The following PYHIN1 variants were observed in gnomAD, a reference collection of about 807,000 sequenced individuals.
The protein encoded by PYHIN1 is pyrin and HIN domain-containing protein 1.
A neutral mutation model predicts 43.7 loss-of-function variants in PYHIN1; 32 were observed. The ratio of observed to expected loss-of-function variants is 0.73; its 90% CI spans 0.55 to 0.98. The LOEUF (loss-of-function observed/expected upper bound fraction) is 0.98. PYHIN1 is among the 50% of genes least tolerant of loss of function. The pLI is 0.00. For synonymous variants in PYHIN1, 205 were observed against 203.1 expected, an observed-to-expected ratio of 1.01 and a Z score of -0.08; for missense variants, 588 against 589.5, an observed-to-expected ratio of 1.00 and a Z score of 0.03.
At chr1:158,987,908 C>T in the PYHIN1 span, among the ~76,000 whole-genome samples, 6 of 152,032 alleles carry the variant, frequency 3.9e-5, no homozygotes, top group South Asian at 2.1e-4. Context: ...TATGACTATG[C>T]CTTATAAAAA....
chr1:158,968,258 G>A (rs556131477), intron 7 of PYHIN1, among the ~76,000 whole-genome samples: 3 of 151,484 alleles, frequency 2.0e-5, no homozygotes, highest in Non-Finnish European at 4.4e-5. Flanking sequence ...AGAAAAAAAT[G>A]AGCCACCCCA....
chr1:158,959,511 AC>A, intron 7 of PYHIN1, among the ~76,000 whole-genome samples: 1 of 152,298 alleles, frequency 6.6e-6, no homozygotes, highest in African/African-American at 2.4e-5. Flanking sequence ...TAAGCTATTT[AC>A]TCAAGGTAAG....
chr1:158,937,250 G>C, intron 2 of PYHIN1, 75 bp downstream of exon 2: 2 of 1,447,324 alleles, frequency 1.4e-6, no homozygotes, highest in South Asian at 3.0e-5. Context: ...ACGCCACCTT[G>C]GTCGTAGCTG....
chr1:158,981,771 A>T (rs1053101603), downstream of PYHIN1, among the ~76,000 whole-genome samples: 4 of 152,176 alleles, frequency 2.6e-5, no homozygotes, highest in Non-Finnish European at 5.9e-5. Context: ...TCAATGTATA[A>T]ATGTTCCCTT....
At chr1:158,949,235 G>A (rs1649388785) in intron 7 of PYHIN1, among the ~76,000 whole-genome samples, 1 of 152,136 alleles carries the variant, frequency 6.6e-6, no homozygotes, top group South Asian at 2.1e-4. Context: ...GATGGATGAG[G>A]ACATCAGTAA....
At position 158,973,529 on chromosome 1, in the gene PYHIN1, A is replaced by G. The variant is rs1651060965; in HGVS notation, c.1360-118A>G. On this transcript the variant is annotated intron_variant, in intron 7 of 8. Coordinates refer to ENST00000368140, the MANE Select transcript of PYHIN1 (RefSeq NM_152501.5). ...TTCACACACACACACACACACACAC[A>G]CACACACATATACACACATGTATTA... The G allele has an allele frequency of 1.2e-5, 12 of 978,012 alleles. No individual in the cohort carries two copies. In the South Asian group the frequency reaches 1.8e-4, roughly 15 times the overall value. The allele number at this position is 978,012 out of a possible 1,614,324, so 60.6% of individuals were successfully genotyped here. A position where few individuals can be genotyped will look rare whatever the true frequency, so the allele number is the denominator to read the frequency against.
chr1:158,935,991 T>C (rs1198084657), intron 1 of PYHIN1, among the ~76,000 whole-genome samples: 1 of 152,154 alleles, frequency 6.6e-6, no homozygotes, highest in Non-Finnish European at 1.5e-5. Context: ...CTTCACTCAA[T>C]TTCTACAGTA....
chr1:158,937,180 T>C lies in PYHIN1; in HGVS notation c.265+5T>C, dbSNP rs368173673. The C allele has an allele frequency of 2.2e-5, 34 of 1,568,250 alleles. No individual in the cohort carries two copies. The highest frequency in any genetic ancestry group is 2.8e-5 in the Non-Finnish European group (33 of 1,160,044). ...TTAAAAGAGAAAAGTTAAAAGGTAA[T>C]TGGGAAGAGGGAACACCCACTCCCT... On this transcript the variant is annotated splice_donor_5th_base_variant and intron_variant, in intron 2 of 8. Transcript: ENST00000368140.
At chr1:158,985,703 G>T in the PYHIN1 span, among the ~76,000 whole-genome samples, 3 of 152,088 alleles carry the variant, frequency 2.0e-5, no homozygotes, top group Non-Finnish European at 4.4e-5. Flanking sequence ...AACCTCTCTA[G>T]CAAGGTCAGG....
At chr1:158,975,507 G>C (rs1023626813) in intron 8 of PYHIN1, among the ~76,000 whole-genome samples, 5 of 152,168 alleles carry the variant, frequency 3.3e-5, no homozygotes, top group Middle Eastern at 3.4e-3. Flanking sequence ...GGATCAGGCT[G>C]ACATAAAAAA....
chr1:158,956,686 A>T (rs1407928065), intron 7 of PYHIN1, among the ~76,000 whole-genome samples: 1 of 151,124 alleles, frequency 6.6e-6, no homozygotes, highest in Non-Finnish European at 1.5e-5. Context: ...CCCTTTGAAA[A>T]CTGGCACAAG....
chr1:158,962,668 G>A lies in PYHIN1; in HGVS notation c.1360-10979G>A, dbSNP rs568489449. ...CTCTCGAGCTGGGAAAGAAACAAAG[G>A]GCCTGGTCACTACACTGGCACCTCC... is the stretch of plus-strand genomic sequence containing the variant. On this transcript the variant is annotated intron_variant, in intron 7 of 8. Transcript: ENST00000368140. 4.6e-5 allele frequency among the ~76,000 whole-genome samples: 7 copies of A among 152,198 alleles called. No individual in the cohort carries two copies. In the East Asian group the frequency reaches 1.4e-3, roughly 29 times the overall value.
the PYHIN1 span, among the ~76,000 whole-genome samples, chr1:158,984,593 T>G: frequency 6.6e-6 from 1 of 152,164 alleles, no homozygotes. Flanking sequence ...GCACAGAGTA[T>G]GTGCCATGTG....
chr1:158,976,138 T>G (rs1651243269), intron 8 of PYHIN1, among the ~76,000 whole-genome samples: 1 of 152,090 alleles, frequency 6.6e-6, no homozygotes, highest in Admixed American at 6.6e-5. Flanking sequence ...TGGTTGGATC[T>G]ACATGACAAA....
chr1:158,984,045 T>G, the PYHIN1 span, among the ~76,000 whole-genome samples: 1 of 125,474 alleles, frequency 8.0e-6, no homozygotes, highest in African/African-American at 2.9e-5. Flanking sequence ...TTTTTTTTTT[T>G]GTATATTAAT....
chr1:158,979,043 G>C (rs1271750597), downstream of PYHIN1, among the ~76,000 whole-genome samples: 1 of 152,156 alleles, frequency 6.6e-6, no homozygotes, highest in Non-Finnish European at 1.5e-5. Context: ...GCTCTGAGAG[G>C]ATCTCTAGTG....
chr1:158,960,509 A>G (rs566427652), intron 7 of PYHIN1, among the ~76,000 whole-genome samples: 1 of 152,352 alleles, frequency 6.6e-6, no homozygotes, highest in Admixed American at 6.5e-5. Flanking sequence ...TAAACACATC[A>G]TGCAGCCATT....
intron 7 of PYHIN1, among the ~76,000 whole-genome samples, chr1:158,956,268 T>C (rs1346573210): frequency 1.3e-5 from 2 of 151,898 alleles, no homozygotes; most frequent in Non-Finnish European, 1.5e-5. Flanking sequence ...TCAGCATCAT[T>C]CTGATACCAA....
Position 158,937,134 on chromosome 1 carries a change from TGG to T in PYHIN1, c.226_227del (p.Gly76ArgfsTer4). 3 of 1,605,994 alleles carry T rather than the reference TGG, an allele frequency of 1.9e-6. No individual in the cohort carries two copies. The highest frequency in any genetic ancestry group is 2.5e-6 in the Non-Finnish European group (3 of 1,177,318). On this transcript the variant is annotated frameshift_variant, in exon 2 of 9. Coordinates refer to ENST00000368140, the MANE Select transcript of PYHIN1 (RefSeq NM_152501.5). LOFTEE classifies it high-confidence loss of function. ...GAATTCTTCAAAGAAATACCAACAC[TGG>T]GAGACCTTGCTGAAACTCTTAAAAG... is the stretch of plus-strand genomic sequence containing the variant.
Sources: gnomAD v4.1 joint callset for allele counts (sites outside exome capture counted in the v4.1 genomes callset) on GRCh38, gnomAD v4.1.1 for gene constraint, MANE v1.5 for transcripts, NCBI Gene and HGNC (gene_info 2026-07-23, HGNC 2026-07-21) for gene names.